MAN1C1: variants seen among roughly 807,000 people sequenced by gnomAD.
MAN1C1 encodes mannosidase alpha class 1C member 1, also known as mannosyl-oligosaccharide 1,2-alpha-mannosidase IC.
In MAN1C1, 49 loss-of-function variants were observed where a neutral mutation model predicts 71.5. The observed-to-expected ratio is 0.69, with a 90% CI of 0.54 to 0.87. The LOEUF (loss-of-function observed/expected upper bound fraction) is 0.87. Among genes scored for constraint, MAN1C1 ranks in the 40% least tolerant of loss-of-function variants. The pLI, the probability that MAN1C1 is intolerant of heterozygous loss-of-function variation, is 0.00. For missense variants in MAN1C1, 743 were observed against 835.0 expected, an observed-to-expected ratio of 0.89 and a Z score of 1.36; for synonymous variants, 352 against 343.7, an observed-to-expected ratio of 1.02 and a Z score of -0.27.
At chr1:25,639,397 C>A (rs541280401) in intron 1 of MAN1C1, among the ~76,000 whole-genome samples, 1 of 152,168 alleles carries the variant, frequency 6.6e-6, no homozygotes, top group Admixed American at 6.5e-5. Flanking sequence ...TACATCTTAA[C>A]GTGTTTAGAC....
intron 1 of MAN1C1, among the ~76,000 whole-genome samples, chr1:25,637,911 T>A (rs918689428): frequency 1.3e-5 from 2 of 152,244 alleles, no homozygotes; most frequent in East Asian, 3.9e-4. Context: ...ATCCTTTTTT[T>A]TTTTAACCCA....
chr1:25,651,885 G>A (rs998311543), intron 1 of MAN1C1, among the ~76,000 whole-genome samples: 2 of 152,202 alleles, frequency 1.3e-5, no homozygotes, highest in Non-Finnish European at 2.9e-5. Flanking sequence ...TTCCATGTAG[G>A]GTGTTAGCAA....
chr1:25,769,253 GACAC>G lies in MAN1C1; in HGVS notation c.1142-2395_1142-2392del, dbSNP rs142062930. Reference sequence around the variant, plus strand: ...TCATACACTACACACCACACTCCTTGACACACACACACTCTCCCTACACACACAT... The same window carrying G: ...TCATACACTACACACCACACTCCTTGACACACACTCTCCCTACACACACAT... On this transcript the variant is annotated intron_variant, in intron 7 of 11. Transcript: ENST00000374332. This position sits in a 1 kb window ranked among gnomAD's most constrained non-coding sequence, Gnocchi z 4.8. 3.4e-5 allele frequency among the ~76,000 whole-genome samples: 5 copies of G among 145,928 alleles called. No individual in the cohort carries two copies. The highest frequency in any genetic ancestry group is 2.2e-4 in the South Asian group (1 of 4,498).
At chr1:25,706,497 G>T (rs1331605601) in intron 2 of MAN1C1, among the ~76,000 whole-genome samples, 1 of 152,164 alleles carries the variant, frequency 6.6e-6, no homozygotes, top group Non-Finnish European at 1.5e-5. Flanking sequence ...CCTAGACCAG[G>T]TTCTTTACAG....
intron 2 of MAN1C1, among the ~76,000 whole-genome samples, chr1:25,706,139 T>C (rs2046518393): frequency 6.6e-6 from 1 of 152,094 alleles, no homozygotes. Flanking sequence ...AAAGGTTAGG[T>C]CTGTTTAGCC....
At chr1:25,699,319 A>AAAGAAG (rs1163629445) in intron 2 of MAN1C1, among the ~76,000 whole-genome samples, 3 of 150,350 alleles carry the variant, frequency 2.0e-5, no homozygotes, top group African/African-American at 7.4e-5. Flanking sequence ...AAAAAAAAAA[A>AAAGAAG]AAGAAGAAGA....
At chr1:25,774,223 G>A (rs754397032) in intron 8 of MAN1C1, among the ~76,000 whole-genome samples, 4 of 152,220 alleles carry the variant, frequency 2.6e-5, no homozygotes, top group South Asian at 4.1e-4. Context: ...GGGATGGACC[G>A]GGGAGGGTCA....
At chr1:25,628,455 A>C (rs143191990) in intron 1 of MAN1C1, among the ~76,000 whole-genome samples, 3,020 of 152,076 alleles carry the variant, frequency 0.02, 105 homozygotes, top group African/African-American at 0.068. Flanking sequence ...TTACAGGTGC[A>C]TGTCACCATG....
At chr1:25,744,206 C>T (rs2047097425) in intron 2 of MAN1C1, among the ~76,000 whole-genome samples, 1 of 152,186 alleles carries the variant, frequency 6.6e-6, no homozygotes, top group Non-Finnish European at 1.5e-5. Context: ...ATCTGCTTTG[C>T]TCAGTCTGCC....
At chr1:25,678,450 C>T (rs543022176) in intron 1 of MAN1C1, among the ~76,000 whole-genome samples, 47 of 152,132 alleles carry the variant, frequency 3.1e-4, no homozygotes, top group Non-Finnish European at 6.5e-4. Flanking sequence ...ACTACTTTAC[C>T]GTATTGTCTC....
intron 2 of MAN1C1, among the ~76,000 whole-genome samples, chr1:25,708,417 T>G (rs2046555405): frequency 1.3e-5 from 2 of 152,212 alleles, no homozygotes; most frequent in Non-Finnish European, 2.9e-5. Context: ...CATCACCATC[T>G]TGGTTTTTGT....
chr1:25,697,947 A>G (rs1307716615), intron 2 of MAN1C1, among the ~76,000 whole-genome samples: 2 of 152,108 alleles, frequency 1.3e-5, no homozygotes, highest in African/African-American at 4.8e-5. Context: ...CTCATCATCA[A>G]ACCCCACAAT....
chr1:25,667,484 CA>C (rs756375842), intron 1 of MAN1C1, among the ~76,000 whole-genome samples: 137 of 49,306 alleles, frequency 2.8e-3, no homozygotes, highest in Middle Eastern at 0.018. Context: ...GACTCCATCT[CA>C]AAAAAAAAAA....
Position 25,618,116 on chromosome 1 carries a change from G to A in MAN1C1, c.319G>A (p.Gly107Arg). ...CTGGGCCAGTCCCCGCCGCAGGAAA[G>A]GGGGGCTGCGGCGCACCCGCCCCAC... ...SSWASPRRRK[G>R]GLRRTRPTGP... is the part of the protein sequence containing the mutation. The change falls in exon 1 of 12, where the codon GGG becomes AGG. Residue 107 changes from glycine to arginine, a missense_variant. Transcript: ENST00000374332. The A allele has an allele frequency of 1.3e-6, 2 of 1,512,514 alleles. No homozygotes were observed. The highest frequency in any genetic ancestry group is 8.8e-7 in the Non-Finnish European group (1 of 1,138,676). The allele number at this position is 1,512,514 out of a possible 1,614,324, so 93.7% of individuals were successfully genotyped here.
chr1:25,714,800 C>T (rs2046658882), intron 2 of MAN1C1, among the ~76,000 whole-genome samples: 1 of 152,172 alleles, frequency 6.6e-6, no homozygotes, highest in South Asian at 2.1e-4. Context: ...GGAGTTAATG[C>T]CACAAGCTGG....
chr1:25,769,074 C>CCACACACACACCTAT lies in MAN1C1; in HGVS notation c.1142-2579_1142-2565dup, dbSNP rs2047507520. ...CACACACTACACACCACCCACACTC[C>CCACACACACACCTAT]CACACACACACCTATCACCCACACT... On this transcript the variant is annotated intron_variant, in intron 7 of 11. Transcript: ENST00000374332. This position sits in a 1 kb window ranked among gnomAD's most constrained non-coding sequence, Gnocchi z 4.8. Among the ~76,000 whole-genome samples the CCACACACACACCTAT allele has an allele frequency of 6.8e-6, 1 of 146,462 alleles. No individual in the cohort carries two copies. The highest frequency in any genetic ancestry group is 2.5e-5 in the African/African-American group (1 of 39,638).
chr1:25,673,901 T>C (rs2046028324), intron 1 of MAN1C1, among the ~76,000 whole-genome samples: 1 of 152,222 alleles, frequency 6.6e-6, no homozygotes, highest in Non-Finnish European at 1.5e-5. Flanking sequence ...TTGGAAATGG[T>C]AGAGACACTT....
rs2047707999 is a variant in MAN1C1 at position 25,782,433 on chromosome 1, T to C, written c.1651-152T>C. 1.7e-6 allele frequency: 1 copy of C among 602,092 alleles called. No homozygotes were observed. The highest frequency in any genetic ancestry group is 3.0e-6 in the Non-Finnish European group (1 of 334,520). The allele number at this position is 602,092 out of a possible 1,614,324, so 37.3% of individuals were successfully genotyped here. On this transcript the variant is annotated intron_variant, in intron 10 of 11. Coordinates refer to ENST00000374332, the MANE Select transcript of MAN1C1 (RefSeq NM_020379.4). The surrounding 1 kb of genome is among the most constrained non-coding windows in gnomAD (Gnocchi z 4.4). Reference sequence around the variant, plus strand: ...AAACCCCGAAAGAATAATTTGACCTTCTGTTCCCACAAATGCCAGGAGTCC... The same window carrying C: ...AAACCCCGAAAGAATAATTTGACCTCCTGTTCCCACAAATGCCAGGAGTCC...
At chr1:25,698,158 A>C (rs1401567300) in intron 2 of MAN1C1, among the ~76,000 whole-genome samples, 1 of 152,144 alleles carries the variant, frequency 6.6e-6, no homozygotes, top group Admixed American at 6.5e-5. Context: ...CCCTGGTGCC[A>C]TGGGGTGGCC....
Sources: allele counts gnomAD v4.1 joint callset (sites outside exome capture counted in the v4.1 genomes callset), GRCh38; gene constraint gnomAD v4.1.1; non-coding constraint Gnocchi (gnomAD v3.1); transcripts MANE v1.5; gene names NCBI Gene and HGNC (gene_info 2026-07-23, HGNC 2026-07-21).